The following ZNF536 variants were observed in gnomAD, a reference collection of about 807,000 sequenced individuals.
The protein encoded by ZNF536 is zinc finger protein 536.
Under a neutral mutation model 84.5 loss-of-function variants are expected in ZNF536, and 13 were observed. That is an observed-to-expected ratio of 0.15 (90% CI 0.10 to 0.24). ZNF536 has a LOEUF of 0.24. Ranked by LOEUF, ZNF536 falls within the 10% of genes least tolerant of loss-of-function variation. ZNF536 has a pLI of 1.00. For synonymous variants in ZNF536, 811 were observed against 742.5 expected, an observed-to-expected ratio of 1.09 and a Z score of -1.50; for missense variants, 1,536 against 1,747.5, an observed-to-expected ratio of 0.88 and a Z score of 2.16.
chr19:30,430,484 C>T (rs559332112), intron 1 of ZNF536, among the ~76,000 whole-genome samples: 49 of 152,012 alleles, frequency 3.2e-4, no homozygotes, highest in Non-Finnish European at 5.1e-4. Flanking sequence ...AGACACTGTT[C>T]GGGGTGAGGC....
chr19:30,530,224 G>A (rs1256327355), intron 2 of ZNF536, among the ~76,000 whole-genome samples: 3 of 152,218 alleles, frequency 2.0e-5, no homozygotes, highest in Non-Finnish European at 4.4e-5. Context: ...AATACCACTG[G>A]TTAGAGGAAA....
intron 2 of ZNF536, among the ~76,000 whole-genome samples, chr19:30,307,681 A>G (rs897010875): frequency 3.3e-5 from 5 of 152,148 alleles, no homozygotes; most frequent in Non-Finnish European, 5.9e-5. Flanking sequence ...TTTCTATTAA[A>G]ATACAGTCCG....
intron 1 of ZNF536, among the ~76,000 whole-genome samples, chr19:30,601,057 A>G (rs1465018029): frequency 6.6e-6 from 1 of 152,260 alleles, no homozygotes; most frequent in African/African-American, 2.4e-5. Context: ...GTGCTAAGCC[A>G]GAAGTGGGCT....
At chr19:30,345,178 C>T (rs906468867) in intron 2 of ZNF536, among the ~76,000 whole-genome samples, 1 of 152,210 alleles carries the variant, frequency 6.6e-6, no homozygotes, top group African/African-American at 2.4e-5. Context: ...GAAACTGGGG[C>T]CGGAGAGGTT....
At chr19:30,342,511 G>A (rs1265616200) in intron 2 of ZNF536, among the ~76,000 whole-genome samples, 1 of 152,180 alleles carries the variant, frequency 6.6e-6, no homozygotes. Flanking sequence ...CAGTATGGAA[G>A]ATTCCAGTTT....
chr19:30,408,782 C>A (rs568291247), intron 1 of ZNF536, among the ~76,000 whole-genome samples: 1 of 151,310 alleles, frequency 6.6e-6, no homozygotes, highest in African/African-American at 2.4e-5. Context: ...TCCATCTATT[C>A]ATACATCTAT....
chr19:30,348,814 C>CTTTTTTTTTTTTTTTTT (rs5827705), intron 2 of ZNF536, among the ~76,000 whole-genome samples: 2 of 132,664 alleles, frequency 1.5e-5, no homozygotes, highest in African/African-American at 2.7e-5. Flanking sequence ...TTTTTCTTTT[C>CTTTTTTTTTTTTTTTTT]TTTTTTTTTT....
chr19:30,399,888 A>G lies in ZNF536; in HGVS notation c.-3+27332A>G, dbSNP rs374280780. Among the ~76,000 whole-genome samples, 71 of 152,092 alleles carry G rather than the reference A, an allele frequency of 4.7e-4. 1 individual carries two copies. In the East Asian group the frequency reaches 7.9e-3, roughly 17 times the overall value. ...TTTGTGGTAGAGACGGGATTTCACC[A>G]TGTTGGTTAGGCTGGTCTTGAACTC... On this transcript the variant is annotated intron_variant, in intron 1 of 4. Transcript: ENST00000355537.
chr19:30,606,731 G>T lies in ZNF536; in HGVS notation c.169+57217G>T, dbSNP rs543712292. 1.9e-3 allele frequency among the ~76,000 whole-genome samples: 285 copies of T among 152,172 alleles called. 2 individuals are homozygous for T. Among genetic ancestry groups the T allele is most frequent in the African/African-American group, 6.4e-3 (265 of 41,516 alleles). Reference sequence around the variant, plus strand: ...AAACGGGAGGGTGGCTAGAGTCTGGGCTCTGCAGACCCATCCTGTGGATTT... The same window carrying T: ...AAACGGGAGGGTGGCTAGAGTCTGGTCTCTGCAGACCCATCCTGTGGATTT... On this transcript the variant is annotated intron_variant, in intron 1 of 1. Transcript: ENST00000592773.
chr19:30,621,816 C>T (rs1044288096), intron 1 of ZNF536, among the ~76,000 whole-genome samples: 3 of 152,232 alleles, frequency 2.0e-5, no homozygotes, highest in Non-Finnish European at 2.9e-5. Flanking sequence ...AACCTCACAG[C>T]GTCATCTGAA....
At chr19:30,622,663 T>C (rs2043314) in intron 1 of ZNF536, among the ~76,000 whole-genome samples, 67,513 of 152,144 alleles carry the variant, frequency 0.44, 15,489 homozygotes, top group Non-Finnish European at 0.52. Flanking sequence ...TTATATATGT[T>C]GTTTTACCCT....
chr19:30,469,767 T>G (rs913562767), intron 2 of ZNF536, among the ~76,000 whole-genome samples: 1 of 151,934 alleles, frequency 6.6e-6, no homozygotes, highest in African/African-American at 2.4e-5. Flanking sequence ...ATGGGTGTGA[T>G]AGGAGAGGGC....
intron 3 of ZNF536, among the ~76,000 whole-genome samples, chr19:30,544,467 C>A (rs1454510963): frequency 6.6e-6 from 1 of 152,186 alleles, no homozygotes; most frequent in Admixed American, 6.5e-5. Flanking sequence ...GGGCCAAGGC[C>A]TATTTTGAAC....
rs115047052 is a variant in ZNF536 at position 30,611,574 on chromosome 19, G to T, written c.169+62060G>T. Among the ~76,000 whole-genome samples, 717 of 152,320 alleles carry T rather than the reference G, an allele frequency of 4.7e-3. 6 individuals carry two copies. The highest frequency in any genetic ancestry group is 0.016 in the African/African-American group (683 of 41,560). On this transcript the variant is annotated intron_variant, in intron 1 of 1. Transcript: ENST00000592773. ...GAGCTTTGACTGCATTTCTGAATAT[G>T]TAGTAAACTGGGTAAACCAGAAGTC... is the stretch of plus-strand genomic sequence containing the variant.
At chr19:30,703,731 C>A (rs191748018) in intron 1 of ZNF536, among the ~76,000 whole-genome samples, 1 of 152,342 alleles carries the variant, frequency 6.6e-6, no homozygotes, top group East Asian at 1.9e-4. Flanking sequence ...AGCAGGATGA[C>A]AGCAGCAGCC....
intron 1 of ZNF536, among the ~76,000 whole-genome samples, chr19:30,701,276 C>T (rs553142260): frequency 2.1e-4 from 31 of 150,698 alleles, no homozygotes; most frequent in South Asian, 4.2e-4. Context: ...CAGACACAGA[C>T]GCATACAAAC....
intron 2 of ZNF536, among the ~76,000 whole-genome samples, chr19:30,515,438 G>A (rs1215494291): frequency 1.3e-5 from 2 of 152,120 alleles, no homozygotes; most frequent in African/African-American, 2.4e-5. Context: ...ATTACTTTTA[G>A]TATATTTATT....
chr19:30,413,227 C>A (rs1268180248), intron 1 of ZNF536, among the ~76,000 whole-genome samples: 4 of 152,046 alleles, frequency 2.6e-5, no homozygotes, highest in Admixed American at 6.5e-5. Flanking sequence ...TTAGTGTCTG[C>A]TCTTATTTTT....
chr19:30,405,517 G>A (rs1340660724), intron 1 of ZNF536, among the ~76,000 whole-genome samples: 1 of 152,092 alleles, frequency 6.6e-6, no homozygotes, highest in East Asian at 1.9e-4. Flanking sequence ...CCTGGCTTCA[G>A]GCTTGATGGG....
Sources: allele counts gnomAD v4.1 joint callset (sites outside exome capture counted in the v4.1 genomes callset), GRCh38; gene constraint gnomAD v4.1.1; transcripts MANE v1.5; gene names NCBI Gene and HGNC (gene_info 2026-07-23, HGNC 2026-07-21).